Variants in SLMAP observed in about 807,000 individuals in gnomAD.
SLMAP encodes sarcolemma associated protein.
Under a neutral mutation model 128.8 loss-of-function variants are expected in SLMAP, and 44 were observed. The ratio of observed to expected loss-of-function variants is 0.34; its 90% CI spans 0.27 to 0.44. The LOEUF is 0.44. Among genes scored for constraint, SLMAP ranks in the 20% least tolerant of loss-of-function variants. The pLI is 1.00. For synonymous variants in SLMAP, 327 were observed against 348.8 expected, an observed-to-expected ratio of 0.94 and a Z score of 0.70; for missense variants, 787 against 985.3, an observed-to-expected ratio of 0.80 and a Z score of 2.69.
At chr3:57,857,954 G>T in intron 7 of SLMAP, 126 bp downstream of exon 7, 1 of 944,430 alleles carries the variant, frequency 1.1e-6, no homozygotes, top group Non-Finnish European at 1.7e-6. Flanking sequence ...AGTTGTTGAA[G>T]ATTTAGCATT....
In SLMAP at chr3:57,786,536, A is replaced by C. The variant is rs559166735; in HGVS notation, c.198+28687A>C. Among the ~76,000 whole-genome samples the C allele has an allele frequency of 5.9e-5, 9 of 151,822 alleles. No individual in the cohort carries two copies. The East Asian group carries it at 1.7e-3, about 29-fold the overall frequency. On this transcript the variant is annotated intron_variant, in intron 2 of 24. Transcript: ENST00000671191. ...ACTCAGCTTCGTTCCCAACTTCCCA[A>C]GTGAAAATTATATAGCTTTTTTTTT...
intron 10 of SLMAP, among the ~76,000 whole-genome samples, chr3:57,863,237 A>G (rs2095171437): frequency 1.3e-5 from 2 of 152,144 alleles, no homozygotes; most frequent in Admixed American, 1.3e-4. Context: ...ATCATAGGGT[A>G]ATGATAGGGT....
At chr3:57,891,577 CTT>C (rs11434318) in intron 15 of SLMAP, among the ~76,000 whole-genome samples, 1 of 145,708 alleles carries the variant, frequency 6.9e-6, no homozygotes, top group Admixed American at 6.8e-5. Context: ...GTTTTTAACC[CTT>C]TTTTTTTTTT....
At chr3:57,903,338 A>G (rs1414054241) in intron 17 of SLMAP, among the ~76,000 whole-genome samples, 1 of 152,230 alleles carries the variant, frequency 6.6e-6, no homozygotes, top group Non-Finnish European at 1.5e-5. Context: ...TAGACATTCT[A>G]AAGAGAAGAG....
chr3:57,916,897 A>T lies in SLMAP; in HGVS notation c.2139-9A>T, dbSNP rs1037942833. On this transcript the variant is annotated splice_polypyrimidine_tract_variant and intron_variant, in intron 21 of 24. Transcript: ENST00000671191. Reference sequence around the variant, plus strand: ...TGTGAATAACTATCTGTCAATATTTATATTGCAGTTCTCAGAAGCAGAGTT... The same window carrying T: ...TGTGAATAACTATCTGTCAATATTTTTATTGCAGTTCTCAGAAGCAGAGTT... 6.2e-7 allele frequency: 1 copy of T among 1,609,792 alleles called. No homozygotes were observed. The highest frequency in any genetic ancestry group is 1.3e-5 in the African/African-American group (1 of 74,710).
chr3:57,878,050 C>T (rs777360032), intron 14 of SLMAP, among the ~76,000 whole-genome samples: 9 of 151,700 alleles, frequency 5.9e-5, no homozygotes, highest in Non-Finnish European at 1.2e-4. Flanking sequence ...ACCATGTTGG[C>T]CAGGCTGGTC....
At chr3:57,853,756 C>T (rs2153584486) in intron 6 of SLMAP, among the ~76,000 whole-genome samples, 1 of 150,968 alleles carries the variant, frequency 6.6e-6, no homozygotes, top group Admixed American at 6.6e-5. Flanking sequence ...GCCTGACCGA[C>T]ATGGAGAAAC....
At chr3:57,815,080 A>G (rs932139644) in intron 2 of SLMAP, among the ~76,000 whole-genome samples, 7 of 152,128 alleles carry the variant, frequency 4.6e-5, no homozygotes, top group Non-Finnish European at 8.8e-5. Context: ...TTTTCCATGG[A>G]TGGTAGGTAA....
chr3:57,863,771 A>C (rs1470267545), intron 10 of SLMAP, among the ~76,000 whole-genome samples: 1 of 152,190 alleles, frequency 6.6e-6, no homozygotes, highest in Non-Finnish European at 1.5e-5. Context: ...CTGAGGATCA[A>C]ATTTCAACAT....
intron 2 of SLMAP, among the ~76,000 whole-genome samples, chr3:57,820,036 C>G (rs1480181403): frequency 6.6e-6 from 1 of 152,288 alleles, no homozygotes; most frequent in Non-Finnish European, 1.5e-5. Flanking sequence ...CAGGTGTGAG[C>G]CACTGTGCCT....
At chr3:57,847,546 A>G (rs991358574) in intron 5 of SLMAP, among the ~76,000 whole-genome samples, 1 of 152,232 alleles carries the variant, frequency 6.6e-6, no homozygotes, top group African/African-American at 2.4e-5. Flanking sequence ...AAGTCTGTCT[A>G]GAAATTTGTT....
intron 2 of SLMAP, among the ~76,000 whole-genome samples, chr3:57,758,248 C>G (rs996895898): frequency 6.6e-6 from 1 of 152,174 alleles, no homozygotes; most frequent in Non-Finnish European, 1.5e-5. Flanking sequence ...TCCCGGGGCT[C>G]AAGTGTCTTA....
chr3:57,757,747 C>T lies in SLMAP; in HGVS notation c.96C>T (p.Arg32=). Residue 32 remains arginine, a synonymous_variant, in exon 2 of 25, where the codon CGC becomes CGT. Transcript: ENST00000671191. The stretch of plus-strand genomic sequence containing the variant: ...TGGACGAGCCCATCAAAATCGGCCG[C>T]TCAGTGGCCCGCTGTCGACCAGCGC... The part of the protein sequence containing the change: ...VYLDEPIKIG[R]SVARCRPAQN... 1.9e-6 allele frequency: 3 copies of T among 1,614,208 alleles called. No homozygotes were observed. The highest frequency in any genetic ancestry group is 1.1e-5 in the South Asian group (1 of 91,090).
intron 2 of SLMAP, among the ~76,000 whole-genome samples, chr3:57,805,800 A>C (rs893963057): frequency 2.0e-5 from 3 of 152,178 alleles, no homozygotes; most frequent in Non-Finnish European, 2.9e-5. Context: ...AGTCTCATAC[A>C]TCACATACTA....
chr3:57,829,742 T>A (rs2093204572), intron 2 of SLMAP, among the ~76,000 whole-genome samples: 1 of 152,210 alleles, frequency 6.6e-6, no homozygotes, highest in South Asian at 2.1e-4. Context: ...CTAGTGGCCT[T>A]TATATTGTCA....
intron 2 of SLMAP, among the ~76,000 whole-genome samples, chr3:57,813,620 T>A (rs1199020551): frequency 2.0e-5 from 3 of 152,184 alleles, no homozygotes; most frequent in Non-Finnish European, 4.4e-5. Flanking sequence ...CAATACATCA[T>A]AACAACTATT....
At chr3:57,884,260 C>A (rs1352200977) in intron 14 of SLMAP, among the ~76,000 whole-genome samples, 2 of 152,108 alleles carry the variant, frequency 1.3e-5, no homozygotes, top group Non-Finnish European at 2.9e-5. Context: ...TGCAGACAGA[C>A]AAGTATCTCT....
chr3:57,883,729 G>T (rs774740269), intron 14 of SLMAP, among the ~76,000 whole-genome samples: 1 of 152,070 alleles, frequency 6.6e-6, no homozygotes, highest in Non-Finnish European at 1.5e-5. Context: ...TGAGTAGTAA[G>T]AGATATGGGT....
intron 2 of SLMAP, chr3:57,800,942 C>G: frequency 3.8e-6 from 1 of 265,378 alleles, no homozygotes; most frequent in Non-Finnish European, 7.5e-6. Flanking sequence ...GCCATGGCTC[C>G]TGTAGAAGTT....
Sources: gnomAD v4.1 joint callset for allele counts (sites outside exome capture counted in the v4.1 genomes callset) on GRCh38, gnomAD v4.1.1 for gene constraint, MANE v1.5 for transcripts, NCBI Gene and HGNC (gene_info 2026-07-23, HGNC 2026-07-21) for gene names.